Variants in RPS6KB1 observed in about 807,000 individuals in gnomAD.
RPS6KB1 encodes the protein ribosomal protein S6 kinase beta-1.
RPS6KB1 carries 12 observed loss-of-function variants against 70.2 expected under a neutral mutation model. The ratio of observed to expected loss-of-function variants is 0.17; its 90% CI spans 0.11 to 0.28. The LOEUF (loss-of-function observed/expected upper bound fraction) is 0.28, where lower values mean the gene tolerates loss of function less well. Ranked by LOEUF, RPS6KB1 falls within the 10% of genes least tolerant of loss-of-function variation. The pLI, the probability that RPS6KB1 is intolerant of heterozygous loss-of-function variation, is 1.00. For synonymous variants in RPS6KB1, 175 were observed against 211.2 expected (o/e 0.83, Z 1.49); for missense variants, 270 against 646.6 (o/e 0.42, Z 6.32).
At position 59,926,423 on chromosome 17, in the gene RPS6KB1, C is replaced by CT. The variant is rs2043613823; in HGVS notation, c.382-8dup. On this transcript the variant is annotated splice_polypyrimidine_tract_variant and intron_variant, in intron 4 of 14. Transcript: ENST00000225577. Reference sequence around the variant, plus strand: ...ACTATTTTGTTCTTATAGATGATCTCTTTTCCTTTAGGCAATGATAGTAAG... The same window carrying CT: ...ACTATTTTGTTCTTATAGATGATCTCTTTTTCCTTTAGGCAATGATAGTAAG... 6.4e-7 allele frequency: 1 copy of CT among 1,570,128 alleles called. No homozygotes were observed. The highest frequency in any genetic ancestry group is 1.8e-5 in the Admixed American group (1 of 55,890).
chr17:59,896,476 C>T (rs2041575230), intron 1 of RPS6KB1, among the ~76,000 whole-genome samples: 1 of 152,160 alleles, frequency 6.6e-6, no homozygotes. Context: ...TGAGCCACCG[C>T]ACCCAGCCAG....
intron 10 of RPS6KB1, 65 bp from the exon 11 acceptor site, chr17:59,936,149 TA>T: frequency 6.8e-7 from 1 of 1,467,774 alleles, no homozygotes; most frequent in Non-Finnish European, 9.4e-7. Flanking sequence ...AAGCACAGTC[TA>T]AAAAGGAAAA....
At chr17:59,945,631 G>T in intron 14 of RPS6KB1, 113 bp downstream of exon 14, 1 of 642,204 alleles carries the variant, frequency 1.6e-6, no homozygotes, top group Admixed American at 2.5e-5. Context: ...ACTCTCTTTG[G>T]TTGACATAAG....
At chr17:59,931,776 C>A in intron 7 of RPS6KB1, 54 bp downstream of exon 7, 5 of 1,296,132 alleles carry the variant, frequency 3.9e-6, no homozygotes, top group Non-Finnish European at 5.5e-6. Flanking sequence ...AAAATCCTCC[C>A]ACATAGGTCG....
At chr17:59,921,898 C>T (rs901821882) in intron 4 of RPS6KB1, among the ~76,000 whole-genome samples, 1 of 152,182 alleles carries the variant, frequency 6.6e-6, no homozygotes, top group Non-Finnish European at 1.5e-5. Context: ...TTGATTCCTA[C>T]AATGCCTGTT....
chr17:59,920,755 G>A (rs549628839), intron 4 of RPS6KB1, among the ~76,000 whole-genome samples: 3 of 152,342 alleles, frequency 2.0e-5, no homozygotes, highest in Non-Finnish European at 4.4e-5. Context: ...CTGGAGTGCA[G>A]TGGAGCGTTC....
Position 59,934,427 on chromosome 17 carries a change from A to G in RPS6KB1, c.780-7A>G, listed in dbSNP as rs1272319793. 2.5e-6 allele frequency: 4 copies of G among 1,612,636 alleles called. No individual in the cohort carries two copies. The highest frequency in any genetic ancestry group is 4.5e-5 in the East Asian group (2 of 44,876). On this transcript the variant is annotated splice_region_variant and splice_polypyrimidine_tract_variant and intron_variant, in intron 8 of 14. Coordinates refer to ENST00000225577, the MANE Select transcript of RPS6KB1 (RefSeq NM_003161.4). The surrounding 1 kb of genome is among the most constrained non-coding windows in gnomAD (Gnocchi z 4.8). ...AATTTTTAAGCATATTATTTTCCTC[A>G]TTGTAGGGCCCCTGAAATCTTGATG...
chr17:59,923,070 G>C (rs888161270), intron 4 of RPS6KB1, among the ~76,000 whole-genome samples: 1 of 151,696 alleles, frequency 6.6e-6, no homozygotes, highest in Admixed American at 6.6e-5. Flanking sequence ...CACTATGTTG[G>C]CCAGGCTGGT....
At chr17:59,915,561 G>T (rs2042894946) in intron 4 of RPS6KB1, among the ~76,000 whole-genome samples, 1 of 151,900 alleles carries the variant, frequency 6.6e-6, no homozygotes, top group Non-Finnish European at 1.5e-5. Flanking sequence ...TGTCTCCCAG[G>T]TTCAAGTGAT....
chr17:59,893,833 C>T lies in RPS6KB1; in HGVS notation c.141+508C>T. 1 of 986,234 alleles carries T rather than the reference C, an allele frequency of 1.0e-6. No homozygotes were observed. The allele number at this position is 986,234 out of a possible 1,614,324, so 61.1% of individuals were successfully genotyped here. A position where few individuals can be genotyped will look rare whatever the true frequency, so the allele number is the denominator to read the frequency against. ...TGTTAGAAGTGACAGCTGAAAACTTCTGTCGGGAGTAGCACTGCCGCTGCT... is the reference window on the plus strand; with the variant it reads ...TGTTAGAAGTGACAGCTGAAAACTTTTGTCGGGAGTAGCACTGCCGCTGCT... On this transcript the variant is annotated intron_variant, in intron 1 of 14. Coordinates refer to ENST00000225577, the MANE Select transcript of RPS6KB1 (RefSeq NM_003161.4). The surrounding 1 kb of genome is among the most constrained non-coding windows in gnomAD (Gnocchi z 4.1).
At chr17:59,895,442 C>T (rs557899089) in intron 1 of RPS6KB1, among the ~76,000 whole-genome samples, 4 of 151,522 alleles carry the variant, frequency 2.6e-5, no homozygotes, top group Admixed American at 6.6e-5. Context: ...CTACCTCAGC[C>T]TCCCAAGTAG....
intron 1 of RPS6KB1, among the ~76,000 whole-genome samples, chr17:59,901,625 G>GAAAAA (rs58530265): frequency 1.3e-5 from 1 of 79,192 alleles, no homozygotes; most frequent in Non-Finnish European, 2.3e-5. Context: ...CCCTGTCTCT[G>GAAAAA]AAAAAAAAAA....
In RPS6KB1 at chr17:59,934,497, A is replaced by G. The variant is rs753120976; in HGVS notation, c.843A>G (p.Ala281=). The G allele has an allele frequency of 2.5e-6, 4 of 1,613,816 alleles. No homozygotes were observed. In the South Asian group the frequency reaches 3.3e-5, roughly 13 times the overall value. ...CTGTGGATTGGTGGAGTTTGGGAGC[A>G]TTAATGTATGACATGCTGACTGGAG... ...NRAVDWWSLG[A]LMYDMLTGAP... The change falls in exon 9 of 15, where the codon GCA becomes GCG. Residue 281 remains alanine, a synonymous_variant. Coordinates refer to ENST00000225577, the MANE Select transcript of RPS6KB1 (RefSeq NM_003161.4). The surrounding 1 kb of genome is among the most constrained non-coding windows in gnomAD (Gnocchi z 4.8).
chr17:59,896,254 C>T (rs576989162), intron 1 of RPS6KB1, among the ~76,000 whole-genome samples: 6 of 151,968 alleles, frequency 3.9e-5, no homozygotes, highest in South Asian at 2.1e-4. Flanking sequence ...AGTGCAATGG[C>T]GCTATCTCGG....
intron 1 of RPS6KB1, among the ~76,000 whole-genome samples, chr17:59,895,830 A>G (rs1485295142): frequency 6.6e-6 from 1 of 151,522 alleles, no homozygotes; most frequent in East Asian, 2.0e-4. Flanking sequence ...ATGGGGTTTC[A>G]CCATGTTGCC....
Position 59,948,010 on chromosome 17 carries a change from A to G in RPS6KB1, c.*1222A>G, listed in dbSNP as rs1296640518. On this transcript the variant is annotated 3_prime_UTR_variant, in exon 15 of 15. Coordinates refer to ENST00000225577, the MANE Select transcript of RPS6KB1 (RefSeq NM_003161.4). ...TCCTATACTTGGGCTACATTTTTTG[A>G]TTGTAAAAATATTTGATGGCCTTTT... 6.2e-6 allele frequency: 1 copy of G among 162,054 alleles called. No individual in the cohort carries two copies. Among genetic ancestry groups the G allele is most frequent in the South Asian group, 2.0e-4 (1 of 4,926 alleles). 10.0% of individuals were successfully genotyped at this position (162,054 alleles called of 1,614,324 possible).
intron 1 of RPS6KB1, among the ~76,000 whole-genome samples, chr17:59,902,076 A>T (rs2041987911): frequency 1.4e-5 from 2 of 140,224 alleles, no homozygotes; most frequent in African/African-American, 2.6e-5. Flanking sequence ...ATAGTGTATG[A>T]CCTTTTATAT....
intron 1 of RPS6KB1, among the ~76,000 whole-genome samples, chr17:59,901,821 A>G (rs2041968778): frequency 1.3e-5 from 2 of 151,446 alleles, no homozygotes; most frequent in Non-Finnish European, 2.9e-5. Context: ...ACTTGAGACT[A>G]GCCTGGGCAA....
rs1568492871 is a variant in RPS6KB1, at chr17:59,938,187, G to GGA, written c.1119+1647_1119+1648insAG. Among the ~76,000 whole-genome samples, 2 of 141,862 alleles carry GGA rather than the reference G, an allele frequency of 1.4e-5. 1 individual carries two copies. Among genetic ancestry groups the GGA allele is most frequent in the Non-Finnish European group, 3.1e-5 (2 of 65,364 alleles). The allele number at this position is 141,862 out of a possible 152,430, so 93.1% of individuals were successfully genotyped here. A position where few individuals can be genotyped will look rare whatever the true frequency, so the allele number is the denominator to read the frequency against. ...TTTTCTTTCTTTTTTTTTTTTTTGG[G>GGA]GGGGGGATAGGGTCTTTCTCTGTTG... On this transcript the variant is annotated intron_variant, in intron 12 of 14. Transcript: ENST00000225577.
Sources: gnomAD v4.1 joint callset for allele counts (sites outside exome capture counted in the v4.1 genomes callset) on GRCh38, gnomAD v4.1.1 for gene constraint, Gnocchi (gnomAD v3.1) non-coding constraint, MANE v1.5 for transcripts, NCBI Gene and HGNC (gene_info 2026-07-23, HGNC 2026-07-21) for gene names.